RSPO3: variants seen among roughly 807,000 people sequenced by gnomAD.
RSPO3 encodes R-spondin-3.
A neutral mutation model predicts 36.5 loss-of-function variants in RSPO3; 17 were observed. That is an observed-to-expected ratio of 0.47 (90% CI 0.32 to 0.70). The LOEUF (loss-of-function observed/expected upper bound fraction) is 0.70. Ranked by LOEUF, RSPO3 falls within the 30% of genes least tolerant of loss-of-function variation. The pLI, the probability that RSPO3 is intolerant of heterozygous loss-of-function variation, is 0.04. For synonymous variants in RSPO3, 108 were observed against 107.0 expected, an observed-to-expected ratio of 1.01 and a Z score of -0.06; for missense variants, 294 against 322.5, an observed-to-expected ratio of 0.91 and a Z score of 0.68.
At chr6:127,164,950 T>C (rs189710058) in intron 4 of RSPO3, among the ~76,000 whole-genome samples, 2 of 152,230 alleles carry the variant, frequency 1.3e-5, no homozygotes, top group Admixed American at 6.6e-5. Context: ...CTGAATAAAG[T>C]TTAATTACAT....
chr6:127,187,954 T>C (rs1403795907), intron 4 of RSPO3, among the ~76,000 whole-genome samples: 1 of 152,192 alleles, frequency 6.6e-6, no homozygotes, highest in African/African-American at 2.4e-5. Context: ...TCTCCCCTGA[T>C]CACTTTTAAC....
chr6:127,151,543 C>T (rs1201959648), intron 3 of RSPO3, among the ~76,000 whole-genome samples: 1 of 152,004 alleles, frequency 6.6e-6, no homozygotes, highest in East Asian at 1.9e-4. Flanking sequence ...CCAGGACTCC[C>T]CTGGAGTCCC....
intron 4 of RSPO3, among the ~76,000 whole-genome samples, chr6:127,182,500 A>G (rs17812976): frequency 1.0e-3 from 154 of 151,978 alleles, no homozygotes; most frequent in Non-Finnish European, 1.7e-3. Flanking sequence ...AGAAATATTT[A>G]TTTTAGAGAT....
In RSPO3 at chr6:127,188,284, A is replaced by C. The variant is rs76985088; in HGVS notation, c.635-7539A>C. Among the ~76,000 whole-genome samples, 1,182 of 152,314 alleles carry C rather than the reference A, an allele frequency of 7.8e-3. 13 individuals are homozygous for C. The highest frequency in any genetic ancestry group is 0.027 in the African/African-American group (1,126 of 41,570). ...CCATTTGTAAGGAAGGTATTTAATT[A>C]GGCAAAAGAGAGTTTATTATGCTTA... On this transcript the variant is annotated intron_variant, in intron 4 of 4. Coordinates refer to ENST00000356698, the MANE Select transcript of RSPO3 (RefSeq NM_032784.5).
rs757593402 is a variant in RSPO3, at chr6:127,119,203, G to A, written c.11G>A (p.Arg4Gln). The change falls in exon 1 of 5, where the codon CGA (arginine) becomes CAA (glutamine). Residue 4 changes from arginine (R) to glutamine (Q), a missense_variant. Arg to Gln is a conservative substitution (Grantham distance 43). Around this residue, in one of 3 missense-constraint regions of RSPO3, gnomAD observed 61 missense variants for 51.3 expected, o/e 1.19. Coordinates refer to ENST00000356698, the MANE Select transcript of RSPO3 (RefSeq NM_032784.5). ...CATTACTGGGTTACTATGCACTTGC[G>A]ACTGATTTCTTGGCTTTTTATCATT... MHLRLISWLFIILN... is the reference protein window; with the variant it reads MHLQLISWLFIILN... The A allele has an allele frequency of 1.2e-6, 2 of 1,612,842 alleles. No homozygotes were observed. Among genetic ancestry groups the A allele is most frequent in the Admixed American group, 1.7e-5 (1 of 59,978 alleles).
At position 127,142,440 on chromosome 6, in the gene RSPO3, C is replaced by G. The variant is rs771053929; in HGVS notation, c.98-6208C>G. Among the ~76,000 whole-genome samples, 77 of 152,080 alleles carry G rather than the reference C, an allele frequency of 5.1e-4. 3 individuals are homozygous for G. Among genetic ancestry groups the G allele is most frequent in the Non-Finnish European group, 2.4e-4 (16 of 68,016 alleles). ...AAGTGATCGTTGCCACCAGAGGAAT[C>G]GGGAAACATCTCTTAATTTTCAATA... On this transcript the variant is annotated intron_variant, in intron 1 of 4. Transcript: ENST00000356698.
intron 2 of RSPO3, 63 bp downstream of exon 2, chr6:127,148,902 G>A (rs752504677): frequency 3.8e-5 from 47 of 1,222,128 alleles, no homozygotes; most frequent in Non-Finnish European, 5.3e-5. Context: ...GATTGAAATG[G>A]CCTCTAATAT....
At chr6:127,164,008 C>T (rs1296095093) in intron 4 of RSPO3, among the ~76,000 whole-genome samples, 2 of 152,088 alleles carry the variant, frequency 1.3e-5, no homozygotes, top group Admixed American at 1.3e-4. Flanking sequence ...TTATTCTCCT[C>T]TGCTGCAGAG....
intron 1 of RSPO3, among the ~76,000 whole-genome samples, chr6:127,133,069 T>C (rs1014699501): frequency 6.6e-6 from 1 of 152,134 alleles, no homozygotes; most frequent in African/African-American, 2.4e-5. Context: ...ACTTCCTCAT[T>C]ACAGACATAG....
chr6:127,171,684 T>C (rs546690400), intron 4 of RSPO3, among the ~76,000 whole-genome samples: 1 of 151,860 alleles, frequency 6.6e-6, no homozygotes, highest in East Asian at 1.9e-4. Context: ...TCTGGCATAA[T>C]GTTTTTTTCA....
chr6:127,138,735 G>C lies in RSPO3; in HGVS notation c.98-9913G>C, dbSNP rs1403413092. 2.0e-5 allele frequency among the ~76,000 whole-genome samples: 3 copies of C among 152,218 alleles called. No homozygotes were observed. The East Asian group carries it at 5.8e-4, about 29-fold the overall frequency. On this transcript the variant is annotated intron_variant, in intron 1 of 4. Coordinates refer to ENST00000356698, the MANE Select transcript of RSPO3 (RefSeq NM_032784.5). ...CAACTTTTGTCTAAATATATAATCA[G>C]ACTGGAAATTCATTTACACAGATAA... is the stretch of plus-strand genomic sequence containing the variant.
intron 4 of RSPO3, among the ~76,000 whole-genome samples, chr6:127,189,431 G>T (rs1371209610): frequency 6.6e-6 from 1 of 151,996 alleles, no homozygotes; most frequent in South Asian, 2.1e-4. Context: ...GGCCAGCAAA[G>T]TAGATAAGTA....
chr6:127,153,551 A>G (rs908433217), intron 3 of RSPO3, among the ~76,000 whole-genome samples: 33 of 152,210 alleles, frequency 2.2e-4, no homozygotes, highest in African/African-American at 6.5e-4. Context: ...AATTTAATTT[A>G]TAAAACCTTT....
chr6:127,180,329 C>CA (rs1405022590), intron 4 of RSPO3, among the ~76,000 whole-genome samples: 1 of 151,320 alleles, frequency 6.6e-6, no homozygotes, highest in Non-Finnish European at 1.5e-5. Flanking sequence ...AACCAAGAGT[C>CA]AGATTCAGAA....
intron 4 of RSPO3, among the ~76,000 whole-genome samples, chr6:127,168,424 C>A (rs1774869385): frequency 6.8e-6 from 1 of 147,420 alleles, no homozygotes; most frequent in Non-Finnish European, 1.5e-5. Context: ...TCTGTTATAT[C>A]TTTTGCCCAC....
rs1582779463 is a variant in RSPO3, at chr6:127,119,261, C to A, written c.69C>A (p.Asn23Lys). 2 of 1,612,998 alleles carry A rather than the reference C, an allele frequency of 1.2e-6. No homozygotes were observed. The highest frequency in any genetic ancestry group is 1.7e-6 in the Non-Finnish European group (2 of 1,179,438). Reference sequence around the variant, plus strand: ...TTATGGAATACATCGGCAGCCAAAACGCCTCCCGGGGAAGGCGCCAGCGAA... The same window carrying A: ...TTATGGAATACATCGGCAGCCAAAAAGCCTCCCGGGGAAGGCGCCAGCGAA... ...LNFMEYIGSQ[N>K]ASRGRRQRRM... The change falls in exon 1 of 5, where the codon AAC (asparagine) becomes AAA (lysine). Residue 23 changes from asparagine to lysine, a missense_variant. Around this residue, in one of 3 missense-constraint regions of RSPO3, gnomAD observed 61 missense variants for 51.3 expected, o/e 1.19. Transcript: ENST00000356698.
At chr6:127,133,499 T>C (rs1327614356) in intron 1 of RSPO3, among the ~76,000 whole-genome samples, 1 of 152,122 alleles carries the variant, frequency 6.6e-6, no homozygotes, top group Non-Finnish European at 1.5e-5. Context: ...TACAAATGAA[T>C]TCATAATCTT....
At chr6:127,138,093 A>G (rs548344835) in intron 1 of RSPO3, among the ~76,000 whole-genome samples, 2 of 152,298 alleles carry the variant, frequency 1.3e-5, no homozygotes, top group South Asian at 4.1e-4. Flanking sequence ...AATCCACTGG[A>G]TTCACTTCCA....
chr6:127,172,322 T>TA lies in RSPO3; in HGVS notation c.634+16892dup, dbSNP rs909105947. Among the ~76,000 whole-genome samples the TA allele has an allele frequency of 5.3e-5, 8 of 151,070 alleles. No individual in the cohort carries two copies. In the South Asian group the frequency reaches 1.2e-3, roughly 24 times the overall value. On this transcript the variant is annotated intron_variant, in intron 4 of 4. Transcript: ENST00000356698. ...ACATATGGTTTTTATAATCAGAAATTAAAAAAAATATCCAAATGCTGAGTT... is the reference window on the plus strand; with the variant it reads ...ACATATGGTTTTTATAATCAGAAATTAAAAAAAAATATCCAAATGCTGAGTT...
Sources: gnomAD v4.1 joint callset for allele counts (sites outside exome capture counted in the v4.1 genomes callset) on GRCh38, gnomAD v4.1.1 for gene constraint, gnomAD v4.1.1 regional missense constraint, MANE v1.5 for transcripts, NCBI Gene and HGNC (gene_info 2026-07-23, HGNC 2026-07-21) for gene names.